The following WDPCP variants were observed in gnomAD, a reference collection of about 807,000 sequenced individuals.
WDPCP encodes the protein WD repeat containing planar cell polarity effector.
WDPCP carries 71 observed loss-of-function variants against 93.1 expected under a neutral mutation model. That is an observed-to-expected ratio of 0.76 (90% CI 0.63 to 0.93). The LOEUF (loss-of-function observed/expected upper bound fraction) is 0.93. Among genes scored for constraint, WDPCP ranks in the 40% least tolerant of loss-of-function variants. The pLI, the probability that WDPCP is intolerant of heterozygous loss-of-function variation, is 0.00. For synonymous variants in WDPCP, 315 were observed against 315.0 expected (o/e 1.00, Z 0.00); for missense variants, 844 against 887.4 (o/e 0.95, Z 0.62).
intron 12 of WDPCP, among the ~76,000 whole-genome samples, chr2:63,318,476 C>G (rs569595270): frequency 1.6e-4 from 25 of 152,206 alleles, no homozygotes; most frequent in African/African-American, 4.8e-4. Context: ...GTATGTTCAT[C>G]ACAGCACTAT....
intron 13 of WDPCP, among the ~76,000 whole-genome samples, chr2:63,261,186 T>C (rs200411705): frequency 1.0e-5 from 1 of 100,096 alleles, no homozygotes; most frequent in Non-Finnish European, 1.8e-5. Context: ...TTTTTTTTTT[T>C]CTGTTTTTTT....
intron 1 of WDPCP, among the ~76,000 whole-genome samples, chr2:63,538,238 C>A (rs1441371028): frequency 6.6e-6 from 1 of 151,886 alleles, no homozygotes; most frequent in Non-Finnish European, 1.5e-5. Flanking sequence ...AAATTACTGT[C>A]AGCAATATTA....
intron 14 of WDPCP, among the ~76,000 whole-genome samples, chr2:63,208,733 T>A (rs996313422): frequency 6.6e-6 from 1 of 152,150 alleles, no homozygotes; most frequent in East Asian, 1.9e-4. Context: ...CCATTAGAAG[T>A]CCCCCTACCT....
At chr2:63,333,908 A>T (rs972938629) in intron 12 of WDPCP, among the ~76,000 whole-genome samples, 4 of 152,240 alleles carry the variant, frequency 2.6e-5, no homozygotes. Context: ...TATCTTGACA[A>T]GTTAATAAAA....
rs1004965930 is a variant in WDPCP, at chr2:63,615,555, C to A, written n.488+35104G>T. On this transcript the variant is annotated intron_variant and non_coding_transcript_variant, in intron 3 of 4. Transcript: ENST00000467687. Reference sequence around the variant, plus strand: ...CATGCCCTAGGTAAATAAGATACCCCCTCCCCACTAACTCATTTATAAAAA... The same window carrying A: ...CATGCCCTAGGTAAATAAGATACCCACTCCCCACTAACTCATTTATAAAAA... Among the ~76,000 whole-genome samples, 4 of 152,252 alleles carry A rather than the reference C, an allele frequency of 2.6e-5. No homozygotes were observed. In the South Asian group the frequency reaches 8.3e-4, roughly 32 times the overall value.
At chr2:63,152,229 T>C (rs1671932752) in intron 17 of WDPCP, among the ~76,000 whole-genome samples, 1 of 152,016 alleles carries the variant, frequency 6.6e-6, no homozygotes, top group African/African-American at 2.4e-5. Context: ...AACTGCTGTA[T>C]TACCCGCTAC....
chr2:63,692,739 G>C (rs1478776005), intron 2 of WDPCP, among the ~76,000 whole-genome samples: 1 of 152,008 alleles, frequency 6.6e-6, no homozygotes, highest in Non-Finnish European at 1.5e-5. Flanking sequence ...AATATATCTA[G>C]GAATAAATAT....
chr2:63,533,041 A>G (rs1445428544), intron 1 of WDPCP, among the ~76,000 whole-genome samples: 2 of 152,196 alleles, frequency 1.3e-5, no homozygotes, highest in South Asian at 2.1e-4. Flanking sequence ...GAAAACAAAA[A>G]AAAGCAGGGG....
chr2:63,319,174 CATG>C (rs1686898571), intron 12 of WDPCP, among the ~76,000 whole-genome samples: 1 of 152,134 alleles, frequency 6.6e-6, no homozygotes. Flanking sequence ...GAGTCTTTGT[CATG>C]ATGTCTTTGT....
intron 17 of WDPCP, among the ~76,000 whole-genome samples, chr2:63,148,650 GAA>G (rs1297746094): frequency 7.3e-6 from 1 of 136,214 alleles, no homozygotes. Context: ...TCCTGGCTGA[GAA>G]AAAAAAAAAA....
intron 12 of WDPCP, among the ~76,000 whole-genome samples, chr2:63,372,763 T>G (rs1158860870): frequency 1.3e-5 from 2 of 152,178 alleles, no homozygotes; most frequent in African/African-American, 4.8e-5. Context: ...GAGAATTGAT[T>G]TTTCTGTCAA....
intron 1 of WDPCP, among the ~76,000 whole-genome samples, chr2:63,541,275 A>AT (rs1704700894): frequency 6.6e-6 from 1 of 152,132 alleles, no homozygotes; most frequent in Admixed American, 6.5e-5. Context: ...GCCCAGCCTA[A>AT]TAAGCATTTT....
Position 63,153,246 on chromosome 2 carries a change from A to G in WDPCP, c.2158+249T>C. ...TGCAGAGCCATAGGCTCCAGCCCAG[A>G]TCTACTGAATCAGAATCAACTTTTT... On this transcript the variant is annotated intron_variant, in intron 16 of 17. Coordinates refer to ENST00000272321, the MANE Select transcript of WDPCP (RefSeq NM_015910.7). 7 of 562,882 alleles carry G rather than the reference A, an allele frequency of 1.2e-5. 1 individual carries two copies. The South Asian group carries it at 1.7e-4, about 13-fold the overall frequency. The allele number at this position is 562,882 out of a possible 1,614,324, so 34.9% of individuals were successfully genotyped here. A position where few individuals can be genotyped will look rare whatever the true frequency, so the allele number is the denominator to read the frequency against.
At chr2:63,352,387 A>G (rs1689698024) in intron 12 of WDPCP, among the ~76,000 whole-genome samples, 4 of 152,250 alleles carry the variant, frequency 2.6e-5, no homozygotes, top group Admixed American at 2.6e-4. Context: ...CAAGAATGAT[A>G]TAATTTCTGC....
intron 9 of WDPCP, among the ~76,000 whole-genome samples, chr2:63,429,908 C>T (rs1696603613): frequency 6.6e-6 from 1 of 151,462 alleles, no homozygotes; most frequent in Non-Finnish European, 1.5e-5. Context: ...CAGTGCTATT[C>T]ACAATAGCAA....
chr2:63,395,929 A>G (rs1693691828), intron 10 of WDPCP, among the ~76,000 whole-genome samples: 1 of 152,100 alleles, frequency 6.6e-6, no homozygotes, highest in African/African-American at 2.4e-5. Context: ...AGGTTTCACC[A>G]TGTTGGTCAG....
intron 3 of WDPCP, chr2:63,622,831 T>C (rs1303008760): frequency 1.9e-6 from 3 of 1,608,046 alleles, no homozygotes; most frequent in Non-Finnish European, 2.5e-6. Context: ...TACTTAACCA[T>C]CGTCCTGGCC....
chr2:63,200,180 T>C (rs929366362), intron 14 of WDPCP, among the ~76,000 whole-genome samples: 4 of 152,120 alleles, frequency 2.6e-5, no homozygotes, highest in Non-Finnish European at 2.9e-5. Flanking sequence ...TACAGGTTCA[T>C]AGGTGGAAGG....
At chr2:63,507,063 A>G (rs748486288) in intron 1 of WDPCP, among the ~76,000 whole-genome samples, 24 of 152,080 alleles carry the variant, frequency 1.6e-4, no homozygotes, top group Non-Finnish European at 1.3e-4. Flanking sequence ...AAAAACAGAG[A>G]CAATGGAAGG....
Sources: allele counts gnomAD v4.1 joint callset (sites outside exome capture counted in the v4.1 genomes callset), GRCh38; gene constraint gnomAD v4.1.1; transcripts MANE v1.5; gene names NCBI Gene and HGNC (gene_info 2026-07-23, HGNC 2026-07-21).